The following LARGE1 variants were observed in gnomAD, a reference collection of about 807,000 sequenced individuals.
LARGE1 encodes the protein xylosyl- and glucuronyltransferase LARGE1.
LARGE1 carries 43 observed loss-of-function variants against 87.6 expected under a neutral mutation model. The ratio of observed to expected loss-of-function variants is 0.49; its 90% CI spans 0.38 to 0.63. The LOEUF is 0.63. Among genes scored for constraint, LARGE1 ranks in the 30% least tolerant of loss-of-function variants. The pLI is 0.00. For synonymous variants in LARGE1, 434 were observed against 394.6 expected, an observed-to-expected ratio of 1.10 and a Z score of -1.18; for missense variants, 802 against 1,000.2, an observed-to-expected ratio of 0.80 and a Z score of 2.67.
At chr22:33,259,120 T>C (rs1404744205) in intron 11 of LARGE1, among the ~76,000 whole-genome samples, 2 of 152,114 alleles carry the variant, frequency 1.3e-5, no homozygotes, top group South Asian at 2.1e-4. Context: ...CCTTGTGATT[T>C]GCCCGCCTTG....
At chr22:33,900,716 G>T (rs920826513) in intron 1 of LARGE1, among the ~76,000 whole-genome samples, 13 of 152,182 alleles carry the variant, frequency 8.5e-5, no homozygotes, top group Non-Finnish European at 1.5e-4. Flanking sequence ...GAGGTCATTA[G>T]GTGGAACTTA....
intron 2 of LARGE1, among the ~76,000 whole-genome samples, chr22:33,753,622 G>C (rs552295238): frequency 6.6e-6 from 1 of 152,132 alleles, no homozygotes; most frequent in Non-Finnish European, 1.5e-5. Flanking sequence ...TGGGACTCAC[G>C]GCAACCACAT....
At chr22:33,391,859 TC>T (rs1198455338) in intron 7 of LARGE1, among the ~76,000 whole-genome samples, 4 of 143,532 alleles carry the variant, frequency 2.8e-5, no homozygotes, top group African/African-American at 1.0e-4. Context: ...AACCTCTGCC[TC>T]CCGGGTTCTA....
chr22:33,736,163 G>A (rs1025047189), intron 2 of LARGE1, among the ~76,000 whole-genome samples: 1 of 152,182 alleles, frequency 6.6e-6, no homozygotes, highest in African/African-American at 2.4e-5. Context: ...TACCTGGAGC[G>A]GAATTGCTGG....
rs561951366 is a variant in LARGE1 at position 33,304,253 on chromosome 22, A to G, written c.1706T>C (p.Met569Thr). 3.7e-5 allele frequency: 60 copies of G among 1,614,278 alleles called. No homozygotes were observed. In the East Asian group the frequency reaches 3.8e-4, roughly 10 times the overall value. Residue 569 changes from methionine (M) to threonine (T), a missense_variant, in exon 12 of 15, where the codon ATG becomes ACG. Coordinates refer to ENST00000397394, the MANE Select transcript of LARGE1 (RefSeq NM_133642.5). ...CCTGAGGTACTCATAGAGCCCATACATGGGCAGGAAGTCAATGTCAGACAG... is the reference window on the plus strand; with the variant it reads ...CCTGAGGTACTCATAGAGCCCATACGTGGGCAGGAAGTCAATGTCAGACAG... ...MFLSDIDFLPMYGLYEYLRKS... is the reference protein window; with the variant it reads ...MFLSDIDFLPTYGLYEYLRKS...
chr22:33,777,593 T>C (rs1317783023), intron 1 of LARGE1, among the ~76,000 whole-genome samples: 2 of 141,982 alleles, frequency 1.4e-5, no homozygotes, highest in Non-Finnish European at 3.0e-5. Context: ...CAGTGAGCCA[T>C]GATGGTACCA....
intron 6 of LARGE1, among the ~76,000 whole-genome samples, chr22:33,514,485 G>A (rs761905854): frequency 6.6e-6 from 1 of 151,992 alleles, no homozygotes; most frequent in African/African-American, 2.4e-5. Flanking sequence ...AAAAATAAAC[G>A]AAAGTAACAC....
At chr22:33,210,702 G>A (rs1408379275) in intron 11 of LARGE1, among the ~76,000 whole-genome samples, 1 of 152,236 alleles carries the variant, frequency 6.6e-6, no homozygotes, top group African/African-American at 2.4e-5. Flanking sequence ...GAAGCACTGG[G>A]CGCTCACACG....
At chr22:33,493,480 T>A (rs2069956554) in intron 6 of LARGE1, among the ~76,000 whole-genome samples, 2 of 152,120 alleles carry the variant, frequency 1.3e-5, no homozygotes, top group South Asian at 4.1e-4. Flanking sequence ...AATTTTTTAA[T>A]GTGTCTACAT....
chr22:33,165,557 CAGGTTT>C (rs1406650454), exon 12 of LARGE1: 3 of 152,142 alleles, frequency 2.0e-5, no homozygotes, highest in Non-Finnish European at 4.4e-5. Context: ...TACTAATATG[CAGGTTT>C]AGATCCAAAC....
intron 2 of LARGE1, among the ~76,000 whole-genome samples, chr22:33,738,406 G>C (rs1328459353): frequency 2.6e-5 from 4 of 152,148 alleles, no homozygotes; most frequent in African/African-American, 9.7e-5. Context: ...CTAGCATCAG[G>C]CATTTGGAAA....
chr22:33,285,842 G>T (rs1317027867), intron 12 of LARGE1, among the ~76,000 whole-genome samples: 1 of 152,120 alleles, frequency 6.6e-6, no homozygotes, highest in Non-Finnish European at 1.5e-5. Flanking sequence ...GCAGGGCTTC[G>T]TATCATTGAA....
At chr22:33,840,824 C>T (rs1568976506) in intron 1 of LARGE1, among the ~76,000 whole-genome samples, 1 of 152,130 alleles carries the variant, frequency 6.6e-6, no homozygotes, top group African/African-American at 2.4e-5. Context: ...GGTTTCGTCA[C>T]GTTGCCCAGG....
At chr22:33,754,496 C>T (rs945440732) in intron 2 of LARGE1, among the ~76,000 whole-genome samples, 2 of 152,042 alleles carry the variant, frequency 1.3e-5, no homozygotes, top group African/African-American at 2.4e-5. Flanking sequence ...CCACCACGCC[C>T]GGCTAATTTT....
intron 11 of LARGE1, among the ~76,000 whole-genome samples, chr22:33,234,850 T>A (rs138605787): frequency 0.018 from 2,807 of 152,268 alleles, 41 homozygotes; most frequent in Middle Eastern, 0.068. Flanking sequence ...ATAAGCAAGT[T>A]CTAATAATAT....
the LARGE1 span, among the ~76,000 whole-genome samples, chr22:33,087,181 T>C: frequency 6.6e-6 from 1 of 152,016 alleles, no homozygotes; most frequent in African/African-American, 2.4e-5. Context: ...TTATTTTTTT[T>C]CCATTCTAAT....
intron 4 of LARGE1, among the ~76,000 whole-genome samples, chr22:33,612,040 G>A (rs2079444758): frequency 6.6e-6 from 1 of 152,212 alleles, no homozygotes; most frequent in South Asian, 2.1e-4. Flanking sequence ...CCATGCTTGT[G>A]CAGCCTGCAG....
At chr22:33,609,216 C>T (rs556989971) in intron 4 of LARGE1, among the ~76,000 whole-genome samples, 6 of 152,134 alleles carry the variant, frequency 3.9e-5, no homozygotes, top group African/African-American at 1.4e-4. Context: ...CAGAGGAAGA[C>T]AGAATACAAA....
Position 33,622,215 on chromosome 22 carries a change from G to C in LARGE1, c.491+4029C>G, listed in dbSNP as rs183779006. Among the ~76,000 whole-genome samples, 17 of 152,264 alleles carry C rather than the reference G, an allele frequency of 1.1e-4. No homozygotes were observed. In the East Asian group the frequency reaches 2.7e-3, roughly 24 times the overall value. On this transcript the variant is annotated intron_variant, in intron 4 of 14. Transcript: ENST00000397394. ...TGTGTCAAGGGAGAGACCAGGTGGA[G>C]GTTACTGAATTATGGAGGTGGTTTC...
Sources: allele counts gnomAD v4.1 joint callset (sites outside exome capture counted in the v4.1 genomes callset), GRCh38; gene constraint gnomAD v4.1.1; transcripts MANE v1.5; gene names NCBI Gene and HGNC (gene_info 2026-07-23, HGNC 2026-07-21).